Variants in SPATA17 observed in about 807,000 individuals in gnomAD.
SPATA17 encodes the protein spermatogenesis-associated protein 17.
Under a neutral mutation model 62.2 loss-of-function variants are expected in SPATA17, and 53 were observed. That is an observed-to-expected ratio of 0.85 (90% confidence interval 0.68 to 1.07). The LOEUF (loss-of-function observed/expected upper bound fraction) is 1.07, where lower values mean the gene tolerates loss of function less well. Ranked by LOEUF, SPATA17 falls within the 50% of genes least tolerant of loss-of-function variation. The pLI is 0.00. For missense variants in SPATA17, 466 were observed against 425.5 expected (o/e 1.10, Z -0.84); for synonymous variants, 146 against 146.8 (o/e 0.99, Z 0.04).
intron 8 of SPATA17, among the ~76,000 whole-genome samples, chr1:217,788,210 T>C (rs1673913363): frequency 6.6e-6 from 1 of 152,180 alleles, no homozygotes; most frequent in South Asian, 2.1e-4. Flanking sequence ...ATGAGAGGTG[T>C]AAAAGTCCTA....
chr1:217,851,645 G>T (rs1675667989), intron 9 of SPATA17, among the ~76,000 whole-genome samples: 1 of 152,088 alleles, frequency 6.6e-6, no homozygotes, highest in African/African-American at 2.4e-5. Flanking sequence ...GGTGTTGTTA[G>T]CAGACTCCCT....
intron 9 of SPATA17, among the ~76,000 whole-genome samples, chr1:217,820,741 A>C (rs1674837084): frequency 6.6e-6 from 1 of 152,176 alleles, no homozygotes; most frequent in Admixed American, 6.6e-5. Context: ...AGCCTTTACT[A>C]GAATCACAAA....
Position 217,737,680 on chromosome 1 carries a change from A to C in SPATA17, c.396-4295A>C, listed in dbSNP as rs59116315. ...TCTCCAGTGAGATATAGTTATGAAC[A>C]GTCAGCAGACAGCACTCCTGGCAGC... On this transcript the variant is annotated intron_variant, in intron 5 of 10. Transcript: ENST00000366933. Among the ~76,000 whole-genome samples the C allele has an allele frequency of 3.5e-3, 535 of 152,232 alleles. 3 individuals carry two copies. The highest frequency in any genetic ancestry group is 0.012 in the African/African-American group (507 of 41,542).
chr1:217,747,912 T>C (rs1170699680), intron 6 of SPATA17, among the ~76,000 whole-genome samples: 2 of 152,210 alleles, frequency 1.3e-5, no homozygotes, highest in African/African-American at 4.8e-5. Context: ...AAACTTTACT[T>C]TGAATTGTAT....
At chr1:217,728,042 T>C (rs1558582105) in intron 5 of SPATA17, among the ~76,000 whole-genome samples, 1 of 152,202 alleles carries the variant, frequency 6.6e-6, no homozygotes, top group Non-Finnish European at 1.5e-5. Flanking sequence ...AGTACCTGTG[T>C]TGGAAGGCTA....
intron 9 of SPATA17, among the ~76,000 whole-genome samples, chr1:217,836,516 C>T (rs186727946): frequency 6.1e-4 from 93 of 152,170 alleles, no homozygotes; most frequent in African/African-American, 2.0e-3. Flanking sequence ...TACTCTATGA[C>T]GTGCTACAAA....
chr1:217,866,167 G>C (rs931446459), intron 10 of SPATA17, among the ~76,000 whole-genome samples: 1 of 152,076 alleles, frequency 6.6e-6, no homozygotes, highest in Non-Finnish European at 1.5e-5. Flanking sequence ...TAAAATTTTA[G>C]TTTAATAAGA....
intron 3 of SPATA17, among the ~76,000 whole-genome samples, chr1:217,661,946 C>T (rs1670581016): frequency 1.3e-5 from 2 of 152,152 alleles, no homozygotes; most frequent in African/African-American, 2.4e-5. Flanking sequence ...TTCCTTACCC[C>T]TTCCTTACTC....
intron 1 of SPATA17, among the ~76,000 whole-genome samples, chr1:217,635,187 A>G (rs527551762): frequency 2.6e-5 from 4 of 152,304 alleles, no homozygotes; most frequent in Non-Finnish European, 4.4e-5. Flanking sequence ...GTGAACCCAA[A>G]ATATCTGAGA....
intron 5 of SPATA17, among the ~76,000 whole-genome samples, chr1:217,738,518 A>T (rs957278032): frequency 6.6e-6 from 1 of 152,228 alleles, no homozygotes; most frequent in Admixed American, 6.5e-5. Flanking sequence ...TGATTAACTT[A>T]TCTCATCCTC....
chr1:217,698,856 C>A (rs61393568), intron 5 of SPATA17, among the ~76,000 whole-genome samples: 1,649 of 152,300 alleles, frequency 0.011, 26 homozygotes, highest in African/African-American at 0.032. Context: ...ACCACATTCA[C>A]TTCTATTCTA....
chr1:217,803,928 G>A (rs530781603), intron 9 of SPATA17, among the ~76,000 whole-genome samples: 53 of 152,168 alleles, frequency 3.5e-4, no homozygotes, highest in African/African-American at 1.3e-3. Flanking sequence ...TGAGGCAGGA[G>A]GATCACTCAA....
At chr1:217,690,709 A>C (rs1380220383) in intron 5 of SPATA17, among the ~76,000 whole-genome samples, 1 of 112,638 alleles carries the variant, frequency 8.9e-6, no homozygotes, top group African/African-American at 3.5e-5. Context: ...CTCATTGTTC[A>C]ATTCCCACCT....
intron 9 of SPATA17, among the ~76,000 whole-genome samples, chr1:217,852,932 T>C (rs1558077088): frequency 6.6e-6 from 1 of 152,144 alleles, no homozygotes; most frequent in Non-Finnish European, 1.5e-5. Flanking sequence ...CCCTGTCTTA[T>C]GTTCACAGCA....
chr1:217,785,548 A>C (rs989374837), intron 8 of SPATA17, among the ~76,000 whole-genome samples: 23 of 152,154 alleles, frequency 1.5e-4, no homozygotes, highest in African/African-American at 4.8e-4. Flanking sequence ...ATCTGCCCGC[A>C]TGATCCAATC....
At chr1:217,806,312 G>C (rs1388398542) in intron 9 of SPATA17, among the ~76,000 whole-genome samples, 3 of 152,154 alleles carry the variant, frequency 2.0e-5, no homozygotes, top group Non-Finnish European at 4.4e-5. Flanking sequence ...TCCGTGTAAG[G>C]GTGGGCCCTG....
At chr1:217,791,671 A>T (rs1673996954) in intron 8 of SPATA17, among the ~76,000 whole-genome samples, 1 of 152,236 alleles carries the variant, frequency 6.6e-6, no homozygotes, top group African/African-American at 2.4e-5. Flanking sequence ...TACTTTTAGT[A>T]TATATCATCA....
intron 6 of SPATA17, among the ~76,000 whole-genome samples, chr1:217,767,983 A>T (rs1673344580): frequency 6.6e-6 from 1 of 152,312 alleles, no homozygotes; most frequent in South Asian, 2.1e-4. Flanking sequence ...GCAGTGGCTC[A>T]TGCTTGTAAT....
intron 5 of SPATA17, among the ~76,000 whole-genome samples, chr1:217,728,671 T>C (rs1242786651): frequency 1.3e-5 from 2 of 152,320 alleles, no homozygotes; most frequent in East Asian, 3.9e-4. Context: ...GATATTTGAA[T>C]CATTAAAAAA....
Sources: gnomAD v4.1 joint callset for allele counts (sites outside exome capture counted in the v4.1 genomes callset) on GRCh38, gnomAD v4.1.1 for gene constraint, MANE v1.5 for transcripts, NCBI Gene and HGNC (gene_info 2026-07-23, HGNC 2026-07-21) for gene names.